LRRC4C: variants seen among roughly 807,000 people sequenced by gnomAD.
LRRC4C encodes leucine rich repeat containing 4C.
In LRRC4C, 5 loss-of-function variants were observed where a neutral mutation model predicts 33.6. The observed-to-expected ratio is 0.15, with a 90% CI of 0.08 to 0.31. LRRC4C has a LOEUF of 0.31. Ranked by LOEUF, LRRC4C falls within the 10% of genes least tolerant of loss-of-function variation. The pLI is 1.00. For synonymous variants in LRRC4C, 329 were observed against 302.0 expected (o/e 1.09, Z -0.93); for missense variants, 560 against 796.7 (o/e 0.70, Z 3.58).
intron 1 of LRRC4C, among the ~76,000 whole-genome samples, chr11:41,173,301 G>A (rs11036272): frequency 0.043 from 6,521 of 152,154 alleles, 159 homozygotes; most frequent in East Asian, 0.07. Flanking sequence ...AAATGTAAAA[G>A]CTGTAGATTC....
intron 1 of LRRC4C, among the ~76,000 whole-genome samples, chr11:41,214,528 G>C (rs951877039): frequency 1.3e-4 from 18 of 138,682 alleles, no homozygotes; most frequent in African/African-American, 4.4e-4. Flanking sequence ...TCAGGAGATC[G>C]AGACTAACCT....
At chr11:40,837,419 C>T (rs530779009) in intron 2 of LRRC4C, among the ~76,000 whole-genome samples, 13 of 152,034 alleles carry the variant, frequency 8.6e-5, no homozygotes, top group Admixed American at 3.9e-4. Flanking sequence ...TCCATAGGTA[C>T]AATAATAATT....
At chr11:41,216,353 C>T (rs1028146636) in intron 1 of LRRC4C, among the ~76,000 whole-genome samples, 6 of 150,552 alleles carry the variant, frequency 4.0e-5, no homozygotes, top group Non-Finnish European at 5.9e-5. Flanking sequence ...GAAAGAAAAA[C>T]GACATTGAGA....
intron 1 of LRRC4C, among the ~76,000 whole-genome samples, chr11:41,011,287 A>T (rs1055241475): frequency 2.0e-5 from 3 of 152,044 alleles, no homozygotes; most frequent in Non-Finnish European, 1.5e-5. Context: ...CTATAATGTT[A>T]TTTTTTTCAA....
intron 1 of LRRC4C, among the ~76,000 whole-genome samples, chr11:41,030,733 C>A (rs915363182): frequency 4.0e-5 from 6 of 151,550 alleles, no homozygotes; most frequent in African/African-American, 1.2e-4. Flanking sequence ...GTACTTGGAA[C>A]AAAACCAAAA....
chr11:41,386,683 T>A (rs1259196454), intron 1 of LRRC4C, among the ~76,000 whole-genome samples: 1 of 151,790 alleles, frequency 6.6e-6, no homozygotes, highest in East Asian at 1.9e-4. Flanking sequence ...ATTATTTTTA[T>A]TTATCATATG....
chr11:40,422,946 TTAAA>T (rs1226300721), intron 3 of LRRC4C, among the ~76,000 whole-genome samples: 1 of 144,448 alleles, frequency 6.9e-6, no homozygotes, highest in African/African-American at 2.9e-5. Context: ...TAAATTTAAA[TTAAA>T]TAAATAGTGT....
chr11:40,290,041 G>T (rs181055795), intron 4 of LRRC4C, among the ~76,000 whole-genome samples: 8 of 151,266 alleles, frequency 5.3e-5, no homozygotes, highest in Non-Finnish European at 8.9e-5. Context: ...GTCAACAAAA[G>T]ATATATATAT....
At chr11:40,657,172 G>A (rs1943166628) in intron 2 of LRRC4C, among the ~76,000 whole-genome samples, 2 of 152,064 alleles carry the variant, frequency 1.3e-5, no homozygotes, top group South Asian at 4.1e-4. Flanking sequence ...TTCAAGGTAT[G>A]GCCAAGACTA....
intron 3 of LRRC4C, among the ~76,000 whole-genome samples, chr11:40,534,708 A>C (rs1244602787): frequency 6.6e-6 from 1 of 152,176 alleles, no homozygotes; most frequent in African/African-American, 2.4e-5. Context: ...TGGGCTCAGA[A>C]ATGTCCCTTC....
At chr11:40,959,612 T>C (rs1592192662) in intron 1 of LRRC4C, among the ~76,000 whole-genome samples, 1 of 151,734 alleles carries the variant, frequency 6.6e-6, no homozygotes, top group Non-Finnish European at 1.5e-5. Context: ...ATGTTTATAT[T>C]TAAACATTTT....
At chr11:41,239,393 A>G (rs1209862546) in intron 1 of LRRC4C, among the ~76,000 whole-genome samples, 1 of 151,610 alleles carries the variant, frequency 6.6e-6, no homozygotes, top group Admixed American at 6.6e-5. Flanking sequence ...TTGCCAAAAT[A>G]CTATTAATGG....
chr11:41,225,575 G>T (rs1038862051), intron 1 of LRRC4C, among the ~76,000 whole-genome samples: 3 of 152,136 alleles, frequency 2.0e-5, no homozygotes, highest in Non-Finnish European at 4.4e-5. Flanking sequence ...AAGGTGAGAG[G>T]ATTGCTTGAG....
chr11:41,094,057 G>T (rs7942325), intron 1 of LRRC4C, among the ~76,000 whole-genome samples: 6 of 151,320 alleles, frequency 4.0e-5, no homozygotes, highest in Non-Finnish European at 5.9e-5. Flanking sequence ...TGCAGTGAGC[G>T]GTGATCACGA....
intron 2 of LRRC4C, among the ~76,000 whole-genome samples, chr11:40,879,883 T>C (rs1057183126): frequency 6.6e-6 from 1 of 152,184 alleles, no homozygotes; most frequent in South Asian, 2.1e-4. Flanking sequence ...GAATATTTCC[T>C]ATCCCACAAG....
chr11:40,529,530 G>A (rs567339250), intron 3 of LRRC4C, among the ~76,000 whole-genome samples: 5 of 152,048 alleles, frequency 3.3e-5, no homozygotes, highest in Admixed American at 3.3e-4. Flanking sequence ...TAAAAGAAAG[G>A]GAAATGCCAG....
At chr11:40,895,185 G>A (rs1239732021) in intron 2 of LRRC4C, among the ~76,000 whole-genome samples, 1 of 151,854 alleles carries the variant, frequency 6.6e-6, no homozygotes, top group Non-Finnish European at 1.5e-5. Flanking sequence ...TAAACTATAA[G>A]CAATAAAATT....
chr11:41,455,628 T>C lies in LRRC4C; in HGVS notation c.-496+3803A>G, dbSNP rs958099791. On this transcript the variant is annotated intron_variant, in intron 1 of 6. Coordinates refer to ENST00000528697, the MANE Select transcript of LRRC4C (RefSeq NM_001258419.2). ...CTTAACACTTTAACTTGAAATTATA[T>C]TGGAGGAATCATTTTATGTCTTGAA... is the stretch of plus-strand genomic sequence containing the variant. Among the ~76,000 whole-genome samples the C allele has an allele frequency of 2.0e-5, 3 of 152,164 alleles. No homozygotes were observed. In the East Asian group the frequency reaches 5.8e-4, roughly 29 times the overall value.
chr11:41,198,443 A>G (rs1946272162), intron 1 of LRRC4C, among the ~76,000 whole-genome samples: 2 of 152,068 alleles, frequency 1.3e-5, no homozygotes, highest in South Asian at 4.1e-4. Context: ...CAATATTTTC[A>G]GGATTCAGAA....
Sources: allele counts gnomAD v4.1 joint callset (sites outside exome capture counted in the v4.1 genomes callset), GRCh38; gene constraint gnomAD v4.1.1; transcripts MANE v1.5; gene names NCBI Gene and HGNC (gene_info 2026-07-23, HGNC 2026-07-21).